Variants in SPIRE2 observed in about 807,000 individuals in gnomAD.
SPIRE2 encodes the protein spire type actin nucleation factor 2.
Under a neutral mutation model 80.7 loss-of-function variants are expected in SPIRE2, and 76 were observed. The ratio of observed to expected loss-of-function variants is 0.94; its 90% CI spans 0.78 to 1.14. The LOEUF (loss-of-function observed/expected upper bound fraction) is 1.14. Among genes scored for constraint, SPIRE2 ranks in the 50% most tolerant of loss-of-function variants. SPIRE2 has a pLI of 0.00. For missense variants in SPIRE2, 1,196 were observed against 1,015.3 expected (o/e 1.18, Z -2.42); for synonymous variants, 535 against 432.6 (o/e 1.24, Z -2.94).
chr16:89,869,045 A>AT, intron 13 of SPIRE2, among the ~76,000 whole-genome samples: 1 of 37,192 alleles, frequency 2.7e-5, no homozygotes, highest in Non-Finnish European at 4.4e-5. Flanking sequence ...AAAAAAAAAA[A>AT]AAAAAAAAAT....
intron 13 of SPIRE2, 27 bp from the exon 14 acceptor site, chr16:89,869,540 T>A: frequency 6.6e-7 from 1 of 1,513,386 alleles, no homozygotes; most frequent in Non-Finnish European, 9.2e-7. Context: ...TGGTGCCTGG[T>A]TCATACCTCC....
In SPIRE2 at chr16:89,828,674, G is replaced by A; in HGVS notation, c.124G>A (p.Ala42Thr). ...EQPLNEEQAW[A>T]VCFQGCRGLR... is the part of the protein sequence containing the mutation. Reference sequence around the variant, plus strand: ...GCCGCTCAACGAGGAGCAGGCGTGGGCCGTGTGCTTCCAGGGCTGCCGCGG... The same window carrying A: ...GCCGCTCAACGAGGAGCAGGCGTGGACCGTGTGCTTCCAGGGCTGCCGCGG... Residue 42 changes from alanine to threonine, a missense_variant, in exon 1 of 15, where the codon GCC becomes ACC. Physicochemically the swap from Ala to Thr is moderately conservative, Grantham distance 58. Coordinates refer to ENST00000378247, the MANE Select transcript of SPIRE2 (RefSeq NM_032451.2). This position sits in a 1 kb window ranked among gnomAD's most constrained non-coding sequence, Gnocchi z 5.9. 1 of 1,343,932 alleles carries A rather than the reference G, an allele frequency of 7.4e-7. No homozygotes were observed. Among genetic ancestry groups the A allele is most frequent in the Non-Finnish European group, 9.6e-7 (1 of 1,040,006 alleles). The allele number at this position is 1,343,932 out of a possible 1,614,324, so 83.3% of individuals were successfully genotyped here. A position where few individuals can be genotyped will look rare whatever the true frequency, so the allele number is the denominator to read the frequency against.
chr16:89,858,624 G>C (rs1259787603), intron 8 of SPIRE2, 117 bp downstream of exon 8: 2 of 1,009,202 alleles, frequency 2.0e-6, no homozygotes, highest in African/African-American at 1.7e-5. Flanking sequence ...TCCTGTCCAG[G>C]AGCCCTCCCT....
At chr16:89,844,072 T>C (rs1001498862) in intron 1 of SPIRE2, among the ~76,000 whole-genome samples, 2 of 150,842 alleles carry the variant, frequency 1.3e-5, no homozygotes, top group Admixed American at 1.3e-4. Context: ...CTTGGCTCAC[T>C]GCAGCCTCAA....
At chr16:89,838,742 A>C (rs1447952346) in intron 1 of SPIRE2, among the ~76,000 whole-genome samples, 1 of 152,214 alleles carries the variant, frequency 6.6e-6, no homozygotes, top group African/African-American at 2.4e-5. Flanking sequence ...AAGGGTGTCC[A>C]ACAGCCCGTG....
intron 1 of SPIRE2, among the ~76,000 whole-genome samples, chr16:89,841,076 T>C (rs1232985783): frequency 6.6e-6 from 1 of 151,186 alleles, no homozygotes; most frequent in African/African-American, 2.4e-5. Flanking sequence ...CCCAGCACTT[T>C]GGGAGGCTGA....
rs538363901 is a variant in SPIRE2, at chr16:89,843,841, A to G, written c.245-1481A>G. 3.1e-4 allele frequency among the ~76,000 whole-genome samples: 43 copies of G among 139,104 alleles called. No individual in the cohort carries two copies. The East Asian group carries it at 8.7e-3, about 28-fold the overall frequency. 91.3% of individuals were successfully genotyped at this position (139,104 alleles called of 152,430 possible). A position where few individuals can be genotyped will look rare whatever the true frequency, so the allele number is the denominator to read the frequency against. On this transcript the variant is annotated intron_variant, in intron 1 of 14. Coordinates refer to ENST00000378247, the MANE Select transcript of SPIRE2 (RefSeq NM_032451.2). ...CAGTCTCCCGAGTAGCTAGGACTAC[A>G]TATATGCACTACCATGCCCAGCTAT...
chr16:89,850,685 T>C, intron 3 of SPIRE2, 25 bp downstream of exon 3: 1 of 897,972 alleles, frequency 1.1e-6, no homozygotes, highest in Non-Finnish European at 1.5e-6. Flanking sequence ...GGGGCGACCG[T>C]GGAGGGTCCG....
chr16:89,849,670 A>G (rs1402367781), intron 2 of SPIRE2, among the ~76,000 whole-genome samples: 2 of 152,092 alleles, frequency 1.3e-5, no homozygotes, highest in Non-Finnish European at 2.9e-5. Flanking sequence ...GGTGCAGACG[A>G]TGGTGACTAG....
At chr16:89,851,799 C>T (rs536101302) in intron 3 of SPIRE2, among the ~76,000 whole-genome samples, 2 of 152,216 alleles carry the variant, frequency 1.3e-5, no homozygotes, top group South Asian at 2.1e-4. Flanking sequence ...CCTCTTGCCT[C>T]GGTGGCAGAA....
At chr16:89,855,799 C>T (rs1056460893) in intron 6 of SPIRE2, 113 bp downstream of exon 6, 2 of 1,112,658 alleles carry the variant, frequency 1.8e-6, no homozygotes, top group African/African-American at 1.5e-5. Flanking sequence ...GGAGGTGTCC[C>T]AGTGCGTCTG....
chr16:89,849,610 C>G (rs1355737058), intron 2 of SPIRE2, among the ~76,000 whole-genome samples: 1 of 152,190 alleles, frequency 6.6e-6, no homozygotes, highest in African/African-American at 2.4e-5. Context: ...CTGCCTGTCC[C>G]AGCAGACCTG....
chr16:89,855,085 C>T (rs1004055851), intron 5 of SPIRE2, among the ~76,000 whole-genome samples: 1 of 152,146 alleles, frequency 6.6e-6, no homozygotes, highest in Non-Finnish European at 1.5e-5. Context: ...ACTACAGGCG[C>T]CCGCCACCAC....
intron 1 of SPIRE2, among the ~76,000 whole-genome samples, chr16:89,841,371 G>A (rs959682947): frequency 9.2e-5 from 14 of 152,096 alleles, no homozygotes; most frequent in Non-Finnish European, 1.5e-4. Flanking sequence ...TACTGCCTCC[G>A]TCTGCTCTAC....
rs746777064 is a variant in SPIRE2, at chr16:89,863,907, G to GA, written c.1778+47dup. ...TCAGTTCACAAGGGAAGGAGGAGGC[G>GA]AGAAACCTCGGGGCAGTACCGCCCA... On this transcript the variant is annotated intron_variant, in intron 12 of 14. Transcript: ENST00000378247. The surrounding 1 kb of genome is among the most constrained non-coding windows in gnomAD (Gnocchi z 4.3). 2.7e-6 allele frequency: 4 copies of GA among 1,506,114 alleles called. No individual in the cohort carries two copies. In the East Asian group the frequency reaches 9.0e-5, roughly 34 times the overall value. 93.3% of individuals were successfully genotyped at this position (1,506,114 alleles called of 1,614,324 possible).
At position 89,839,518 on chromosome 16, in the gene SPIRE2, G is replaced by A. The variant is rs148878724; in HGVS notation, c.245-5804G>A. ...GCTTTGGGCTGTTGCTAGTTCGTGG[G>A]TCTGCCAGGAATGGGTGTGCTGCGT... On this transcript the variant is annotated intron_variant, in intron 1 of 14. Coordinates refer to ENST00000378247, the MANE Select transcript of SPIRE2 (RefSeq NM_032451.2). 2.0e-3 allele frequency among the ~76,000 whole-genome samples: 306 copies of A among 152,270 alleles called. 2 individuals are homozygous for A. The highest frequency in any genetic ancestry group is 6.9e-3 in the African/African-American group (287 of 41,554).
chr16:89,840,839 G>A (rs1014129082), intron 1 of SPIRE2, among the ~76,000 whole-genome samples: 6 of 150,968 alleles, frequency 4.0e-5, no homozygotes, highest in African/African-American at 7.3e-5. Context: ...GGGTTTCACC[G>A]TGTTAGCCAG....
At chr16:89,855,137 A>G (rs953177180) in intron 5 of SPIRE2, among the ~76,000 whole-genome samples, 1 of 152,026 alleles carries the variant, frequency 6.6e-6, no homozygotes, top group Non-Finnish European at 1.5e-5. Flanking sequence ...ATGGGGTTTC[A>G]CTGTGTTAGC....
At chr16:89,843,520 C>G (rs1409013291) in intron 1 of SPIRE2, among the ~76,000 whole-genome samples, 1 of 150,994 alleles carries the variant, frequency 6.6e-6, no homozygotes, top group Non-Finnish European at 1.5e-5. Context: ...AAGTCTGTCT[C>G]TCCCTCTGAC....
Sources: allele counts gnomAD v4.1 joint callset (sites outside exome capture counted in the v4.1 genomes callset), GRCh38; gene constraint gnomAD v4.1.1; non-coding constraint Gnocchi (gnomAD v3.1); transcripts MANE v1.5; gene names NCBI Gene and HGNC (gene_info 2026-07-23, HGNC 2026-07-21).